Variants in ERG observed in about 807,000 individuals in gnomAD.
ERG encodes the protein transcriptional regulator ERG.
ERG carries 9 observed loss-of-function variants against 55.3 expected under a neutral mutation model. That is an observed-to-expected ratio of 0.16 (90% confidence interval 0.10 to 0.28). The LOEUF is 0.28. ERG is among the 10% of genes least tolerant of loss of function. The pLI is 1.00. For missense variants in ERG, 434 were observed against 631.6 expected, an observed-to-expected ratio of 0.69 and a Z score of 3.35; for synonymous variants, 223 against 237.3, an observed-to-expected ratio of 0.94 and a Z score of 0.55.
At chr21:38,532,500 A>G (rs1470272790) in intron 2 of ERG, among the ~76,000 whole-genome samples, 5 of 152,214 alleles carry the variant, frequency 3.3e-5, no homozygotes, top group Non-Finnish European at 7.3e-5. Context: ...TCTAGTTTGG[A>G]AACACTTGAT....
At chr21:38,476,166 C>T (rs2146636317) in intron 1 of ERG, among the ~76,000 whole-genome samples, 1 of 152,278 alleles carries the variant, frequency 6.6e-6, no homozygotes, top group Admixed American at 6.5e-5. Context: ...GCAAACAGAA[C>T]TCCTCGCTGC....
At chr21:38,479,603 A>G (rs527392416) in intron 1 of ERG, among the ~76,000 whole-genome samples, 135 of 152,298 alleles carry the variant, frequency 8.9e-4, no homozygotes, top group African/African-American at 3.2e-3. Context: ...GAAGGGATGC[A>G]TCTACAGCAG....
chr21:38,463,704 A>T (rs1047630908), intron 1 of ERG, among the ~76,000 whole-genome samples: 2 of 152,230 alleles, frequency 1.3e-5, no homozygotes, highest in East Asian at 1.9e-4. Flanking sequence ...GGAAAAGCAT[A>T]GAAGTGGGGC....
the ERG span, among the ~76,000 whole-genome samples, chr21:38,370,347 G>T: frequency 6.6e-6 from 1 of 151,902 alleles, no homozygotes; most frequent in Non-Finnish European, 1.5e-5. Flanking sequence ...GGTGATATGA[G>T]TTACAAAACT....
intron 3 of ERG, among the ~76,000 whole-genome samples, chr21:38,414,142 C>T (rs570982516): frequency 4.6e-5 from 7 of 152,236 alleles, no homozygotes; most frequent in Non-Finnish European, 7.4e-5. Flanking sequence ...TGGTGCTGTC[C>T]AGCAATTGAA....
intron 3 of ERG, among the ~76,000 whole-genome samples, chr21:38,419,438 C>T (rs971994551): frequency 6.6e-6 from 1 of 152,152 alleles, no homozygotes; most frequent in East Asian, 1.9e-4. Flanking sequence ...TTCATACTGC[C>T]TGATGATACC....
chr21:38,548,906 C>T (rs925338780), intron 2 of ERG, among the ~76,000 whole-genome samples: 8 of 150,460 alleles, frequency 5.3e-5, no homozygotes, highest in African/African-American at 9.8e-5. Flanking sequence ...GTCGGGAGAT[C>T]GAGACCATCC....
chr21:38,511,908 A>G (rs1421708935), intron 2 of ERG, among the ~76,000 whole-genome samples: 1 of 152,218 alleles, frequency 6.6e-6, no homozygotes, highest in South Asian at 2.1e-4. Flanking sequence ...GTCTTTAGAC[A>G]TGGCCAACTG....
At chr21:38,596,541 C>T (rs1377661787) in intron 1 of ERG, among the ~76,000 whole-genome samples, 1 of 152,192 alleles carries the variant, frequency 6.6e-6, no homozygotes, top group East Asian at 1.9e-4. Flanking sequence ...GAAAGATTAA[C>T]CTTTGTGAGC....
intron 3 of ERG, among the ~76,000 whole-genome samples, chr21:38,416,561 A>T (rs1028195139): frequency 6.6e-6 from 1 of 152,348 alleles, no homozygotes; most frequent in African/African-American, 2.4e-5. Flanking sequence ...TAACTGCCTT[A>T]GCACTGATTC....
chr21:38,382,452 T>G lies in ERG; in HGVS notation c.*951A>C. The G allele has an allele frequency of 2.8e-6, 3 of 1,062,866 alleles. No homozygotes were observed. The highest frequency in any genetic ancestry group is 3.4e-6 in the Non-Finnish European group (3 of 877,496). 65.8% of individuals were successfully genotyped at this position (1,062,866 alleles called of 1,614,324 possible). On this transcript the variant is annotated 3_prime_UTR_variant, in exon 10 of 10. Transcript: ENST00000288319. The stretch of plus-strand genomic sequence containing the variant: ...AAATATCAGACAATTCCAGTTAAAA[T>G]TTTCATTTGACAAACAAAGAAAGAG...
intron 2 of ERG, among the ~76,000 whole-genome samples, chr21:38,430,190 T>C (rs1274543788): frequency 6.6e-6 from 1 of 152,234 alleles, no homozygotes; most frequent in African/African-American, 2.4e-5. Flanking sequence ...TGTTTTTTCA[T>C]GTTTGTTGGC....
intron 3 of ERG, among the ~76,000 whole-genome samples, chr21:38,409,668 C>G (rs931240584): frequency 2.0e-5 from 3 of 152,054 alleles, no homozygotes; most frequent in Non-Finnish European, 4.4e-5. Context: ...CTTAGCCCAG[C>G]CTCATCCGAC....
intron 1 of ERG, 41 bp from the exon 2 acceptor site, chr21:38,445,662 A>T: frequency 6.5e-7 from 1 of 1,540,572 alleles, no homozygotes; most frequent in South Asian, 1.1e-5. Context: ...ACACTCCAAC[A>T]GACAGTCATG....
chr21:38,388,539 T>C (rs1176268063), intron 9 of ERG, among the ~76,000 whole-genome samples: 1 of 152,202 alleles, frequency 6.6e-6, no homozygotes, highest in Non-Finnish European at 1.5e-5. Flanking sequence ...GGAAGAAGCA[T>C]TGTCATTAAT....
intron 6 of ERG, 95 bp from the exon 7 acceptor site, chr21:38,392,539 ACTTTGTGC>A: frequency 1.1e-6 from 1 of 898,194 alleles, no homozygotes; most frequent in Non-Finnish European, 1.6e-6. Flanking sequence ...ATTAGAATAA[ACTTTGTGC>A]AAAAAAATCT....
intron 2 of ERG, among the ~76,000 whole-genome samples, chr21:38,429,481 ATGTATG>A (rs1990038169): frequency 7.6e-6 from 1 of 130,762 alleles, no homozygotes; most frequent in African/African-American, 3.1e-5. Context: ...GTGTATATAC[ATGTATG>A]CACATGTACA....
chr21:38,458,833 A>G (rs1266936734), intron 1 of ERG, among the ~76,000 whole-genome samples: 1 of 151,992 alleles, frequency 6.6e-6, no homozygotes, highest in Non-Finnish European at 1.5e-5. Context: ...CTCTTCTCCA[A>G]CCTTGCCGTC....
intron 2 of ERG, among the ~76,000 whole-genome samples, chr21:38,526,050 G>A (rs1331677681): frequency 1.3e-5 from 2 of 152,168 alleles, no homozygotes; most frequent in Admixed American, 6.5e-5. Flanking sequence ...TTGTAAAGGA[G>A]GCCTTGAAGA....
Sources: gnomAD v4.1 joint callset for allele counts (sites outside exome capture counted in the v4.1 genomes callset) on GRCh38, gnomAD v4.1.1 for gene constraint, MANE v1.5 for transcripts, NCBI Gene and HGNC (gene_info 2026-07-23, HGNC 2026-07-21) for gene names.